Variants in LZTFL1 observed in about 807,000 individuals in gnomAD.
The protein encoded by LZTFL1 is leucine zipper transcription factor-like protein 1.
Under a neutral mutation model 45.9 loss-of-function variants are expected in LZTFL1, and 25 were observed. That is an observed-to-expected ratio of 0.54 (90% confidence interval 0.40 to 0.76). The LOEUF is 0.76. Ranked by LOEUF, LZTFL1 falls within the 30% of genes least tolerant of loss-of-function variation. The pLI is 0.00. For missense variants in LZTFL1, 277 were observed against 331.1 expected, an observed-to-expected ratio of 0.84 and a Z score of 1.27; for synonymous variants, 93 against 117.4, an observed-to-expected ratio of 0.79 and a Z score of 1.35.
intron 2 of LZTFL1, chr3:45,897,532 G>C (rs1207641975): frequency 6.8e-7 from 1 of 1,474,228 alleles, no homozygotes; most frequent in African/African-American, 1.4e-5. Context: ...TGGGATTTCT[G>C]CACAATTTCT....
At chr3:45,910,780 T>C (rs552876744) in intron 2 of LZTFL1, among the ~76,000 whole-genome samples, 115 of 152,374 alleles carry the variant, frequency 7.5e-4, no homozygotes, top group Middle Eastern at 3.4e-3. Flanking sequence ...TCCTGGTAAC[T>C]GTTGCCACAA....
At chr3:45,896,290 C>G (rs3774642) in intron 2 of LZTFL1, among the ~76,000 whole-genome samples, 10,501 of 152,274 alleles carry the variant, frequency 0.069, 402 homozygotes, top group Middle Eastern at 0.099. Context: ...TAATAGCCAA[C>G]TCTGCAAAGC....
At chr3:45,848,102 T>C (rs1246313374) in intron 4 of LZTFL1, among the ~76,000 whole-genome samples, 1 of 152,236 alleles carries the variant, frequency 6.6e-6, no homozygotes, top group Non-Finnish European at 1.5e-5. Context: ...TAAGTTTTCA[T>C]ATATGACTTC....
chr3:45,892,406 T>G (rs1295428736), intron 2 of LZTFL1, among the ~76,000 whole-genome samples: 6 of 152,168 alleles, frequency 3.9e-5, no homozygotes, highest in Admixed American at 2.6e-4. Flanking sequence ...TCCTGTCCTT[T>G]GAAGCAACAT....
At position 45,872,069 on chromosome 3, in the gene LZTFL1, G is replaced by A. The variant is rs565480202; in HGVS notation, c.-214-13053C>T. Among the ~76,000 whole-genome samples the A allele has an allele frequency of 5.9e-5, 9 of 152,310 alleles. No homozygotes were observed. The East Asian group carries it at 1.2e-3, about 20-fold the overall frequency. ...GTGGCAGCAAGGAATGGCAGGCCTA[G>A]GCTCATCAAATCACCCTCAACCACA... On this transcript the variant is annotated intron_variant, in intron 2 of 4. Transcript: ENST00000472635.
rs531060963 is a variant in LZTFL1 at position 45,829,433 on chromosome 3, T to C, written c.601-818A>G. ...GCCTGGGCAACAGAGCAAGACCCCGTCTCTACAAAAAATATAAAAAATTAG... is the reference window on the plus strand; with the variant it reads ...GCCTGGGCAACAGAGCAAGACCCCGCCTCTACAAAAAATATAAAAAATTAG... On this transcript the variant is annotated intron_variant, in intron 7 of 9. Coordinates refer to ENST00000296135, the MANE Select transcript of LZTFL1 (RefSeq NM_020347.4). Among the ~76,000 whole-genome samples, 4 of 151,752 alleles carry C rather than the reference T, an allele frequency of 2.6e-5. No homozygotes were observed. In the East Asian group the frequency reaches 7.7e-4, roughly 29 times the overall value.
chr3:45,899,732 T>C (rs1199169178), intron 2 of LZTFL1, among the ~76,000 whole-genome samples: 1 of 152,030 alleles, frequency 6.6e-6, no homozygotes, highest in Non-Finnish European at 1.5e-5. Flanking sequence ...GGAAGGAATG[T>C]AGCAGGCATG....
chr3:45,904,234 C>G (rs949981814), intron 2 of LZTFL1, among the ~76,000 whole-genome samples: 1 of 152,208 alleles, frequency 6.6e-6, no homozygotes, highest in South Asian at 2.1e-4. Context: ...TAAAATTAAT[C>G]ATTTCTCAAA....
intron 2 of LZTFL1, among the ~76,000 whole-genome samples, chr3:45,863,508 T>C (rs543574881): frequency 6.6e-4 from 101 of 152,314 alleles, no homozygotes; most frequent in Non-Finnish European, 1.0e-3. Context: ...CAGACCACCA[T>C]CACCCTCACC....
chr3:45,905,108 C>T (rs922921182), intron 2 of LZTFL1, among the ~76,000 whole-genome samples: 1 of 152,160 alleles, frequency 6.6e-6, no homozygotes, highest in African/African-American at 2.4e-5. Flanking sequence ...GTTTTAGATA[C>T]TCAAAAAAAA....
At chr3:45,886,294 C>G (rs547811136) in intron 2 of LZTFL1, among the ~76,000 whole-genome samples, 11 of 152,244 alleles carry the variant, frequency 7.2e-5, no homozygotes, top group Non-Finnish European at 1.5e-5. Flanking sequence ...TCCCTGTAAG[C>G]AGCTGTGCTG....
At chr3:45,835,887 A>T in intron 2 of LZTFL1, 103 bp from the exon 3 acceptor site, 2 of 713,206 alleles carry the variant, frequency 2.8e-6, no homozygotes, top group Non-Finnish European at 4.5e-6. Context: ...TAAGAAATTC[A>T]AAGATTACAG....
intron 2 of LZTFL1, among the ~76,000 whole-genome samples, chr3:45,861,229 C>T (rs1226836835): frequency 3.3e-5 from 5 of 151,028 alleles, no homozygotes; most frequent in African/African-American, 4.9e-5. Context: ...AAAAAAAACC[C>T]CAAAAACTCC....
intron 2 of LZTFL1, among the ~76,000 whole-genome samples, chr3:45,877,741 GTT>G (rs71288016): frequency 4.4e-5 from 6 of 137,078 alleles, no homozygotes; most frequent in African/African-American, 5.3e-5. Context: ...TCATTTATTA[GTT>G]TTTTTTTTTT....
intron 2 of LZTFL1, among the ~76,000 whole-genome samples, chr3:45,880,297 T>G (rs1338373222): frequency 6.6e-6 from 1 of 151,784 alleles, no homozygotes; most frequent in Non-Finnish European, 1.5e-5. Flanking sequence ...AGGTCAGGAG[T>G]TTGAAACCAG....
At chr3:45,838,605 T>C (rs573447128) in intron 1 of LZTFL1, among the ~76,000 whole-genome samples, 2 of 152,326 alleles carry the variant, frequency 1.3e-5, no homozygotes, top group South Asian at 4.1e-4. Context: ...TTAACAAGTA[T>C]ATTTGATTTG....
intron 2 of LZTFL1, among the ~76,000 whole-genome samples, chr3:45,910,827 A>C (rs1702781306): frequency 6.6e-6 from 1 of 152,200 alleles, no homozygotes; most frequent in African/African-American, 2.4e-5. Flanking sequence ...ATTTTATTTT[A>C]TTCGCCATTT....
chr3:45,832,998 C>T, intron 5 of LZTFL1, 52 bp downstream of exon 5: 1 of 1,332,274 alleles, frequency 7.5e-7, no homozygotes, highest in African/African-American at 1.4e-5. Flanking sequence ...CCACCCTAGG[C>T]AATGACAGGA....
intron 2 of LZTFL1, among the ~76,000 whole-genome samples, chr3:45,894,581 TG>T (rs1459771172): frequency 6.6e-6 from 1 of 152,114 alleles, no homozygotes; most frequent in Non-Finnish European, 1.5e-5. Context: ...CTGGGAAAAA[TG>T]TAACAGCCCA....
Sources: gnomAD v4.1 joint callset for allele counts (sites outside exome capture counted in the v4.1 genomes callset) on GRCh38, gnomAD v4.1.1 for gene constraint, MANE v1.5 for transcripts, NCBI Gene and HGNC (gene_info 2026-07-23, HGNC 2026-07-21) for gene names.